The following SH3RF3 variants were observed in gnomAD, a reference collection of about 807,000 sequenced individuals.
The protein encoded by SH3RF3 is SH3 domain containing ring finger 3.
SH3RF3 carries 29 observed loss-of-function variants against 66.3 expected under a neutral mutation model. That is an observed-to-expected ratio of 0.44 (90% CI 0.33 to 0.60). SH3RF3 has a LOEUF of 0.60. SH3RF3 is among the 20% of genes least tolerant of loss of function. The pLI, the probability that SH3RF3 is intolerant of heterozygous loss-of-function variation, is 0.04. For synonymous variants in SH3RF3, 583 were observed against 532.0 expected, an observed-to-expected ratio of 1.10 and a Z score of -1.32; for missense variants, 1,194 against 1,190.9, an observed-to-expected ratio of 1.00 and a Z score of -0.04.
intron 1 of SH3RF3, among the ~76,000 whole-genome samples, chr2:109,313,123 T>C (rs1261437418): frequency 6.6e-6 from 1 of 152,156 alleles, no homozygotes; most frequent in Non-Finnish European, 1.5e-5. Context: ...TAGGTAATAT[T>C]TGCCCTGTGC....
intron 1 of SH3RF3, among the ~76,000 whole-genome samples, chr2:109,148,393 G>A (rs1677148647): frequency 6.6e-6 from 1 of 152,218 alleles, no homozygotes; most frequent in African/African-American, 2.4e-5. Flanking sequence ...GCCATCATAG[G>A]GAGGGCTTCT....
At chr2:109,256,807 C>T (rs927109233) in intron 1 of SH3RF3, among the ~76,000 whole-genome samples, 47 of 152,188 alleles carry the variant, frequency 3.1e-4, no homozygotes, top group African/African-American at 1.1e-3. Context: ...TTCAGGGTCT[C>T]TTAGGTGGCA....
chr2:109,378,534 A>G (rs1394896827), intron 3 of SH3RF3, among the ~76,000 whole-genome samples: 1 of 152,138 alleles, frequency 6.6e-6, no homozygotes, highest in Admixed American at 6.5e-5. Context: ...GGTAATTTTC[A>G]GCTGGTTACT....
intron 8 of SH3RF3, among the ~76,000 whole-genome samples, chr2:109,472,027 G>A (rs1167365804): frequency 6.6e-6 from 1 of 152,200 alleles, no homozygotes; most frequent in Non-Finnish European, 1.5e-5. Flanking sequence ...GTGTGGCCCT[G>A]TAGCACAGTG....
At chr2:109,352,077 C>G (rs944875281) in intron 2 of SH3RF3, among the ~76,000 whole-genome samples, 1 of 152,140 alleles carries the variant, frequency 6.6e-6, no homozygotes, top group African/African-American at 2.4e-5. Flanking sequence ...CATGGTGACT[C>G]GAACATTTAC....
chr2:109,491,365 G>A (rs369256233), intron 9 of SH3RF3, among the ~76,000 whole-genome samples: 32 of 152,284 alleles, frequency 2.1e-4, no homozygotes, highest in Admixed American at 7.2e-4. Context: ...CCCACTCGGC[G>A]TCTTAGAATT....
At chr2:109,237,110 C>A (rs1368444309) in intron 1 of SH3RF3, among the ~76,000 whole-genome samples, 2 of 152,076 alleles carry the variant, frequency 1.3e-5, no homozygotes, top group Non-Finnish European at 2.9e-5. Flanking sequence ...GGCCAAAAGA[C>A]AAAATACACA....
At chr2:109,132,627 C>T (rs991310233) in intron 1 of SH3RF3, among the ~76,000 whole-genome samples, 2 of 152,192 alleles carry the variant, frequency 1.3e-5, no homozygotes, top group Non-Finnish European at 2.9e-5. Context: ...TTGGCAAATA[C>T]TATATGTGTG....
chr2:109,356,249 A>G (rs1014855617), intron 2 of SH3RF3, among the ~76,000 whole-genome samples: 2 of 152,164 alleles, frequency 1.3e-5, no homozygotes, highest in African/African-American at 4.8e-5. Context: ...CCAACTAAAT[A>G]GGAACATTCT....
At chr2:109,371,941 G>T (rs1683282179) in intron 3 of SH3RF3, among the ~76,000 whole-genome samples, 1 of 152,208 alleles carries the variant, frequency 6.6e-6, no homozygotes. Flanking sequence ...TGGCAGCAGG[G>T]CCCCCTTGTG....
intron 1 of SH3RF3, among the ~76,000 whole-genome samples, chr2:109,155,178 A>G (rs906457839): frequency 6.6e-6 from 1 of 152,140 alleles, no homozygotes; most frequent in African/African-American, 2.4e-5. Flanking sequence ...TGCAAACTAC[A>G]ACTTGCTATG....
chr2:109,393,073 G>A (rs1676045915), intron 3 of SH3RF3, among the ~76,000 whole-genome samples: 1 of 152,208 alleles, frequency 6.6e-6, no homozygotes, highest in Non-Finnish European at 1.5e-5. Flanking sequence ...GCCCGTCTCA[G>A]TGAGGGGAAG....
chr2:109,349,188 C>T (rs772651831), intron 2 of SH3RF3, among the ~76,000 whole-genome samples: 21 of 152,234 alleles, frequency 1.4e-4, no homozygotes, highest in African/African-American at 4.3e-4. Flanking sequence ...CTCTGGAGGG[C>T]GGTAGGAGAA....
At chr2:109,200,631 A>T (rs1678647655) in intron 1 of SH3RF3, among the ~76,000 whole-genome samples, 1 of 152,094 alleles carries the variant, frequency 6.6e-6, no homozygotes, top group Non-Finnish European at 1.5e-5. Context: ...AGCTTGTCCC[A>T]GCAGCCTGCC....
At chr2:109,189,367 C>CTTTTT (rs5833320) in intron 1 of SH3RF3, among the ~76,000 whole-genome samples, 3 of 147,972 alleles carry the variant, frequency 2.0e-5, no homozygotes, top group African/African-American at 2.5e-5. Flanking sequence ...AGTCGTTTGA[C>CTTTTT]TTTTTTTTTT....
intron 1 of SH3RF3, among the ~76,000 whole-genome samples, chr2:109,142,694 A>G (rs1484092162): frequency 6.6e-6 from 1 of 152,122 alleles, no homozygotes; most frequent in Non-Finnish European, 1.5e-5. Context: ...AACTGAGCGG[A>G]GCATGGGCTG....
intron 3 of SH3RF3, among the ~76,000 whole-genome samples, chr2:109,382,140 G>A (rs1675706782): frequency 6.6e-6 from 1 of 152,180 alleles, no homozygotes; most frequent in African/African-American, 2.4e-5. Flanking sequence ...TAAATCAGAG[G>A]GGTCTGATAG....
intron 1 of SH3RF3, among the ~76,000 whole-genome samples, chr2:109,250,136 C>CTTAAGGTTTTTCTCTGTCT (rs1680050797): frequency 6.8e-6 from 1 of 146,688 alleles, no homozygotes; most frequent in Non-Finnish European, 1.5e-5. Flanking sequence ...TTTATCTGTC[C>CTTAAGGTTTTTCTCTGTCT]TTAAGGTTTT....
intron 1 of SH3RF3, among the ~76,000 whole-genome samples, chr2:109,169,721 T>C (rs965002517): frequency 6.6e-6 from 1 of 150,764 alleles, no homozygotes; most frequent in African/African-American, 2.5e-5. Context: ...TATCTATATA[T>C]ATAACCAAAA....
Sources: allele counts gnomAD v4.1 joint callset (sites outside exome capture counted in the v4.1 genomes callset), GRCh38; gene constraint gnomAD v4.1.1; transcripts MANE v1.5; gene names NCBI Gene and HGNC (gene_info 2026-07-23, HGNC 2026-07-21).